Variants in CIMIP2C observed in about 807,000 individuals in gnomAD.
CIMIP2C encodes the protein UPF0573 protein C2orf70.
At chr2:26,573,553 C>A in the CIMIP2C span, among the ~76,000 whole-genome samples, 4 of 150,408 alleles carry the variant, frequency 2.7e-5, no homozygotes, top group Admixed American at 2.0e-4. Context: ...GGGAGGAAGA[C>A]TCTGTCTCCT....
the CIMIP2C span, among the ~76,000 whole-genome samples, chr2:26,566,265 C>T: frequency 1.3e-5 from 2 of 152,174 alleles, no homozygotes; most frequent in African/African-American, 2.4e-5. Flanking sequence ...TCTCTGTCTG[C>T]CTGGGGTGGC....
the CIMIP2C span, among the ~76,000 whole-genome samples, chr2:26,571,927 GAACTT>G: frequency 0.34 from 52,124 of 151,554 alleles, 9,279 homozygotes; most frequent in East Asian, 0.6. Flanking sequence ...AATCTTAATA[GAACTT>G]AACTGAAGAG....
At chr2:26,577,412 G>A in the CIMIP2C span, 1 of 1,065,378 alleles carries the variant, frequency 9.4e-7, no homozygotes, top group Non-Finnish European at 1.4e-6. Context: ...ATTAGGGGAG[G>A]TGGCCCCCAA....
chr2:26,565,315 T>C, the CIMIP2C span, among the ~76,000 whole-genome samples: 1 of 152,194 alleles, frequency 6.6e-6, no homozygotes, highest in Non-Finnish European at 1.5e-5. Context: ...GGTCTCGAAC[T>C]CCTGACCTCA....
chr2:26,567,208 A>G, the CIMIP2C span, among the ~76,000 whole-genome samples: 2 of 152,108 alleles, frequency 1.3e-5, no homozygotes, highest in Non-Finnish European at 2.9e-5. Flanking sequence ...TGTAGTTTCC[A>G]TAATCCCCAC....
chr2:26,568,296 GC>G, the CIMIP2C span, among the ~76,000 whole-genome samples: 2 of 152,168 alleles, frequency 1.3e-5, no homozygotes, highest in Non-Finnish European at 2.9e-5. Context: ...CCACTCACCT[GC>G]CTTTCTCTGC....
chr2:26,577,551 G>C, the CIMIP2C span: 3 of 1,614,072 alleles, frequency 1.9e-6, no homozygotes, highest in Non-Finnish European at 1.7e-6. Flanking sequence ...ATCAAGACAA[G>C]ACGGGCACAG....
the CIMIP2C span, chr2:26,572,172 C>T: frequency 4.4e-5 from 67 of 1,519,262 alleles, no homozygotes; most frequent in Non-Finnish European, 5.6e-5. Flanking sequence ...CCCCATCTCC[C>T]CTCCACCCAC....
At chr2:26,573,555 C>T in the CIMIP2C span, among the ~76,000 whole-genome samples, 3 of 150,684 alleles carry the variant, frequency 2.0e-5, no homozygotes, top group Admixed American at 1.3e-4. Flanking sequence ...GAGGAAGACT[C>T]TGTCTCCTGA....
the CIMIP2C span, among the ~76,000 whole-genome samples, chr2:26,564,365 G>T: frequency 2.0e-5 from 3 of 152,200 alleles, no homozygotes; most frequent in Admixed American, 2.0e-4. Flanking sequence ...GGAGCTGCAG[G>T]TTTCAGAAGC....
At chr2:26,579,487 C>T in the CIMIP2C span, 9 of 1,595,860 alleles carry the variant, frequency 5.6e-6, no homozygotes, top group African/African-American at 6.8e-5. Flanking sequence ...TGGGTCGTGA[C>T]CAGCCTGGCT....
chr2:26,570,830 T>C, the CIMIP2C span, among the ~76,000 whole-genome samples: 1 of 151,926 alleles, frequency 6.6e-6, no homozygotes, highest in Admixed American at 6.6e-5. Context: ...GGGAGGAGAT[T>C]GGAGATTGTC....
At chr2:26,576,231 C>T in the CIMIP2C span, 23 of 1,562,942 alleles carry the variant, frequency 1.5e-5, no homozygotes, top group South Asian at 4.7e-5. Context: ...GCCCCCACCA[C>T]GGGAAGGGAG....
the CIMIP2C span, among the ~76,000 whole-genome samples, chr2:26,577,337 T>C: frequency 6.6e-6 from 1 of 152,158 alleles, no homozygotes; most frequent in African/African-American, 2.4e-5. Flanking sequence ...CGTGACTCAG[T>C]GAGGACACCC....
the CIMIP2C span, among the ~76,000 whole-genome samples, chr2:26,568,812 G>A: frequency 6.6e-6 from 1 of 152,142 alleles, no homozygotes; most frequent in Non-Finnish European, 1.5e-5. Context: ...CCTGAGGTCA[G>A]GAGTTTGAGA....
the CIMIP2C span, chr2:26,572,097 C>A: frequency 2.6e-6 from 4 of 1,542,158 alleles, no homozygotes; most frequent in Non-Finnish European, 3.5e-6. Flanking sequence ...TTTTTTCTAA[C>A]GATGTGTTTC....
the CIMIP2C span, among the ~76,000 whole-genome samples, chr2:26,571,658 C>T: frequency 2.6e-5 from 4 of 152,246 alleles, no homozygotes; most frequent in East Asian, 3.9e-4. Flanking sequence ...ACAAATCACC[C>T]GAAATCCAAA....
chr2:26,568,793 G>C, the CIMIP2C span, among the ~76,000 whole-genome samples: 674 of 152,274 alleles, frequency 4.4e-3, 2 homozygotes, highest in African/African-American at 0.015. Context: ...GGCCGGGGCA[G>C]GTGGATTACC....
chr2:26,573,437 G>A, the CIMIP2C span, among the ~76,000 whole-genome samples: 10 of 152,230 alleles, frequency 6.6e-5, no homozygotes, highest in African/African-American at 2.2e-4. Flanking sequence ...TAAAGATGAC[G>A]GAAGAAGGGC....
Sources: gnomAD v4.1 joint callset for allele counts (sites outside exome capture counted in the v4.1 genomes callset) on GRCh38, gnomAD v4.1.1 for gene constraint, MANE v1.5 for transcripts, NCBI Gene and HGNC (gene_info 2026-07-23, HGNC 2026-07-21) for gene names.